KIF1A: variants seen among roughly 807,000 people sequenced by gnomAD.
KIF1A encodes kinesin-like protein KIF1A.
KIF1A carries 46 observed loss-of-function variants against 227.3 expected under a neutral mutation model. The observed-to-expected ratio is 0.20, with a 90% confidence interval of 0.16 to 0.26. The LOEUF (loss-of-function observed/expected upper bound fraction) is 0.26, where lower values mean the gene tolerates loss of function less well. Ranked by LOEUF, KIF1A falls within the 10% of genes least tolerant of loss-of-function variation. The pLI is 1.00. For missense variants in KIF1A, 1,683 were observed against 2,485.9 expected (o/e 0.68, Z 6.87); for synonymous variants, 1,022 against 1,012.8 (o/e 1.01, Z -0.17).
chr2:240,806,550 A>G (rs1002343128), intron 1 of KIF1A, among the ~76,000 whole-genome samples: 1 of 151,960 alleles, frequency 6.6e-6, no homozygotes. Context: ...CAGCTCTAGA[A>G]AAGCTTAAGA....
Position 240,788,034 on chromosome 2 carries a change from C to CCCCCCCCCCCTCGGGCCGGGGGGG in KIF1A, c.363+16_363+17insCCCCCCCGGCCCGAGGGGGGGGGG. ...CCCATCTGCCAGGGCTGCCCCCGCC[C>CCCCCCCCCCCTCGGGCCGGGGGGG]GCCCCCCGCTTCGTGCCTGTGGGAT... On this transcript the variant is annotated intron_variant, in intron 4 of 48. Coordinates refer to ENST00000498729, the MANE Select transcript of KIF1A (RefSeq NM_001244008.2). This position sits in a 1 kb window ranked among gnomAD's most constrained non-coding sequence, Gnocchi z 6.6. The CCCCCCCCCCCTCGGGCCGGGGGGG allele has an allele frequency of 6.9e-7, 1 of 1,449,064 alleles. No individual in the cohort carries two copies. The highest frequency in any genetic ancestry group is 9.4e-7 in the Non-Finnish European group (1 of 1,059,102). 89.8% of individuals were successfully genotyped at this position (1,449,064 alleles called of 1,614,324 possible).
chr2:240,767,170 T>C (rs2051311474), intron 18 of KIF1A, 96 bp downstream of exon 18: 1 of 1,176,586 alleles, frequency 8.5e-7, no homozygotes, highest in Non-Finnish European at 1.2e-6. Context: ...CCAAACTCAG[T>C]GGCCCCTCTG....
chr2:240,714,432 G>A lies in KIF1A; in HGVS notation c.*2932C>T, dbSNP rs1487450411. The A allele has an allele frequency of 6.5e-6, 1 of 152,772 alleles. No individual in the cohort carries two copies. The highest frequency in any genetic ancestry group is 1.9e-4 in the East Asian group (1 of 5,264). The allele number at this position is 152,772 out of a possible 1,614,324, so 9.5% of individuals were successfully genotyped here. A position where few individuals can be genotyped will look rare whatever the true frequency, so the allele number is the denominator to read the frequency against. ...CAGCGGAAGGAGCTCCCCCTTTCTG[G>A]TGGAGGATGGCTGCCCCCAAACCAA... On this transcript the variant is annotated 3_prime_UTR_variant, in exon 49 of 49. Transcript: ENST00000498729.
Position 240,786,739 on chromosome 2 carries a change from G to T in KIF1A, c.430-226C>A, listed in dbSNP as rs1042471285. 0.024 allele frequency among the ~76,000 whole-genome samples: 788 copies of T among 32,238 alleles called. 27 individuals are homozygous for T. Among genetic ancestry groups the T allele is most frequent in the African/African-American group, 0.088 (686 of 7,776 alleles). The allele number at this position is 32,238 out of a possible 152,430, so 21.1% of individuals were successfully genotyped here. A position where few individuals can be genotyped will look rare whatever the true frequency, so the allele number is the denominator to read the frequency against. On this transcript the variant is annotated intron_variant, in intron 5 of 48. Coordinates refer to ENST00000498729, the MANE Select transcript of KIF1A (RefSeq NM_001244008.2). ...CTGAGTGAGGGGGTGGGGGCTGCCT[G>T]CTGGGCCCCTGAGTGAGAGGGTAGG...
At chr2:240,718,617 G>A (rs2044856485) in intron 47 of KIF1A, among the ~76,000 whole-genome samples, 1 of 152,266 alleles carries the variant, frequency 6.6e-6, no homozygotes, top group South Asian at 2.1e-4. Context: ...CCAGACGGAG[G>A]GGCTGGGCAG....
At position 240,752,331 on chromosome 2, in the gene KIF1A, C is replaced by T. The variant is rs2049318653; in HGVS notation, c.2859-1784G>A. Among the ~76,000 whole-genome samples the T allele has an allele frequency of 6.6e-6, 1 of 152,112 alleles. No homozygotes were observed. Among genetic ancestry groups the T allele is most frequent in the South Asian group, 2.1e-4 (1 of 4,826 alleles). On this transcript the variant is annotated intron_variant, in intron 27 of 48. Coordinates refer to ENST00000498729, the MANE Select transcript of KIF1A (RefSeq NM_001244008.2). This position sits in a 1 kb window ranked among gnomAD's most constrained non-coding sequence, Gnocchi z 6.4. ...AAGCGCCCATGGAAGCTCACCCTGG[C>T]CCTAGTCACGAGAGGACACTGAGGC...
At chr2:240,728,296 G>T in intron 38 of KIF1A, 1 of 757,354 alleles carries the variant, frequency 1.3e-6, no homozygotes, top group Non-Finnish European at 2.0e-6. Flanking sequence ...TCAGAGAAAG[G>T]GCATAGAAGC....
At position 240,744,045 on chromosome 2, in the gene KIF1A, T is replaced by C; in HGVS notation, c.3481A>G (p.Thr1161Ala). 1 of 1,613,106 alleles carries C rather than the reference T, an allele frequency of 6.2e-7. No homozygotes were observed. ...TTGATGTACTCAATGAAGGACTTGGTCACCTCCACTGCGATCTGGTGGGCA... is the reference window on the plus strand; with the variant it reads ...TTGATGTACTCAATGAAGGACTTGGCCACCTCCACTGCGATCTGGTGGGCA... ...YHVQNIAVEV[T>A]KSFIEYIKSQ... Residue 1161 changes from threonine to alanine, a missense_variant, in exon 33 of 49, where the codon ACC becomes GCC. Coordinates refer to ENST00000498729, the MANE Select transcript of KIF1A (RefSeq NM_001244008.2).
At chr2:240,761,479 T>A in intron 23 of KIF1A, 102 bp from the exon 24 acceptor site, 1 of 1,105,118 alleles carries the variant, frequency 9.0e-7, no homozygotes, top group Non-Finnish European at 1.2e-6. Flanking sequence ...TCCATGGGGC[T>A]GCCTAAGCTG....
Position 240,746,144 on chromosome 2 carries a change from A to G in KIF1A, c.3097T>C (p.Ser1033Pro). ...QSESCPVVGM[S>P]RSGTSQEELR... ...TCTTCCTGGGAGGTTCCCGAGCGGG[A>G]CATCCCCACCACGGGGCAAGACTCG... The change falls in exon 30 of 49, where the codon TCC (serine) becomes CCC (proline). Residue 1033 changes from serine (S) to proline (P), a missense_variant. Ser to Pro is a moderately conservative substitution (Grantham distance 74). Transcript: ENST00000498729. The G allele has an allele frequency of 6.4e-7, 1 of 1,568,598 alleles. No individual in the cohort carries two copies. Among genetic ancestry groups the G allele is most frequent in the Non-Finnish European group, 8.6e-7 (1 of 1,157,378 alleles).
At chr2:240,779,978 T>C (rs2053411254) in intron 10 of KIF1A, among the ~76,000 whole-genome samples, 1 of 152,062 alleles carries the variant, frequency 6.6e-6, no homozygotes, top group Non-Finnish European at 1.5e-5. Context: ...CACAGCCCCG[T>C]TGCACCCACT....
In KIF1A at chr2:240,717,166, A is replaced by G; in HGVS notation, c.*198T>C. The G allele has an allele frequency of 3.8e-6, 2 of 525,112 alleles. No individual in the cohort carries two copies. Among genetic ancestry groups the G allele is most frequent in the Non-Finnish European group, 6.8e-6 (2 of 295,612 alleles). 32.5% of individuals were successfully genotyped at this position (525,112 alleles called of 1,614,324 possible). A position where few individuals can be genotyped will look rare whatever the true frequency, so the allele number is the denominator to read the frequency against. On this transcript the variant is annotated 3_prime_UTR_variant, in exon 49 of 49. Coordinates refer to ENST00000498729, the MANE Select transcript of KIF1A (RefSeq NM_001244008.2). ...CACCAGAGCACATTCTGCAAGAAGA[A>G]CTGACACGCACAGCCTCTGCTGGGA...
In KIF1A at chr2:240,757,262, T is replaced by C. The variant is rs921196305; in HGVS notation, c.2858+57A>G. Reference sequence around the variant, plus strand: ...AGCGGTTCCTCTGTGCCCGCAGCAGTGCTCCTGTGCAAAAGAGCTGGGTCC... The same window carrying C: ...AGCGGTTCCTCTGTGCCCGCAGCAGCGCTCCTGTGCAAAAGAGCTGGGTCC... On this transcript the variant is annotated intron_variant, in intron 27 of 48. Transcript: ENST00000498729. The surrounding 1 kb of genome is among the most constrained non-coding windows in gnomAD (Gnocchi z 6.2). 1 of 1,490,084 alleles carries C rather than the reference T, an allele frequency of 6.7e-7. No homozygotes were observed. The highest frequency in any genetic ancestry group is 1.2e-5 in the South Asian group (1 of 80,638). 92.3% of individuals were successfully genotyped at this position (1,490,084 alleles called of 1,614,324 possible).
At chr2:240,720,798 C>T in intron 45 of KIF1A, 116 bp downstream of exon 45, 1 of 1,294,796 alleles carries the variant, frequency 7.7e-7, no homozygotes, top group Non-Finnish European at 1.0e-6. Context: ...GTGGCCACCC[C>T]AAGGCACTCG....
Position 240,773,196 on chromosome 2 carries a change from G to A in KIF1A, c.1098C>T (p.Asn366=), listed in dbSNP as rs1343373032. The part of the protein sequence containing the change: ...CNAVINEDPN[N]KLIRELKDEV... ...CATCCTTCAGCTCGCGGATCAGCTT[G>A]TTGTTGGGGTCCTCATTGATGACAG... is the stretch of plus-strand genomic sequence containing the variant. The change falls in exon 13 of 49, where the codon AAC becomes AAT. Residue 366 remains asparagine, a synonymous_variant. Transcript: ENST00000498729. 8.7e-6 allele frequency: 14 copies of A among 1,613,980 alleles called. No individual in the cohort carries two copies. The highest frequency in any genetic ancestry group is 1.2e-5 in the Non-Finnish European group (14 of 1,179,854).
At chr2:240,765,856 G>A (rs890474844) in intron 19 of KIF1A, 63 bp from the exon 20 acceptor site, 40 of 1,209,168 alleles carry the variant, frequency 3.3e-5, no homozygotes, top group East Asian at 7.1e-5. Context: ...ACAGCAGCTC[G>A]GCTTACCTGG....
At chr2:240,807,130 G>GTA (rs57742435) in intron 1 of KIF1A, among the ~76,000 whole-genome samples, 1,806 of 119,240 alleles carry the variant, frequency 0.015, 15 homozygotes, top group Non-Finnish European at 0.021. Context: ...GTGTGTGTGT[G>GTA]TATATATATA....
At chr2:240,807,151 T>TATATATATATATAC (rs1421176467) in intron 1 of KIF1A, among the ~76,000 whole-genome samples, 1 of 136,150 alleles carries the variant, frequency 7.3e-6, no homozygotes, top group African/African-American at 2.7e-5. Flanking sequence ...TATATATATA[T>TATATATATATATAC]ACACAGAGAG....
rs947305438 is a variant in KIF1A, at chr2:240,766,745, TCTCTCACA to T, written c.1684+162_1684+169del. On this transcript the variant is annotated intron_variant, in intron 19 of 48. Transcript: ENST00000498729. The surrounding 1 kb of genome is among the most constrained non-coding windows in gnomAD (Gnocchi z 5.0). ...AAATCTCTCTCTCTCTCTCTCTCTC[TCTCTCACA>T]CACACACACACACACACACACACAC... Among the ~76,000 whole-genome samples, 7 of 127,074 alleles carry T rather than the reference TCTCTCACA, an allele frequency of 5.5e-5. No homozygotes were observed. Among genetic ancestry groups the T allele is most frequent in the Admixed American group, 3.1e-4 (4 of 12,902 alleles). The allele number at this position is 127,074 out of a possible 152,430, so 83.4% of individuals were successfully genotyped here.
Sources: gnomAD v4.1 joint callset for allele counts (sites outside exome capture counted in the v4.1 genomes callset) on GRCh38, gnomAD v4.1.1 for gene constraint, Gnocchi (gnomAD v3.1) non-coding constraint, MANE v1.5 for transcripts, NCBI Gene and HGNC (gene_info 2026-07-23, HGNC 2026-07-21) for gene names.